Variants in NALF2 observed in about 807,000 individuals in gnomAD.
NALF2 encodes NALCN channel auxiliary factor 2, also known as bB57D9.1 (TED protein).
Under a neutral mutation model 24.8 loss-of-function variants are expected in NALF2, and 1 was observed. The ratio of observed to expected loss-of-function variants is 0.04; its 90% confidence interval spans 0.01 to 0.19. NALF2 has a LOEUF of 0.19. NALF2 is among the 10% of genes least tolerant of loss of function. The pLI is 1.00. For synonymous variants in NALF2, 254 were observed against 189.8 expected, an observed-to-expected ratio of 1.34 and a Z score of -2.78; for missense variants, 458 against 409.6, an observed-to-expected ratio of 1.12 and a Z score of -1.02.
chrX:69,516,525 C>G (rs1055658300), intron 1 of NALF2, among the ~76,000 whole-genome samples: 2 of 111,777 alleles, frequency 1.8e-5, no homozygotes, highest in East Asian at 5.6e-4. Flanking sequence ...TGCATAGATA[C>G]CCTGAGACTT....
intron 1 of NALF2, among the ~76,000 whole-genome samples, chrX:69,513,492 C>T (rs1040223480): frequency 1.3e-4 from 15 of 112,100 alleles, no homozygotes; most frequent in African/African-American, 4.5e-4. Context: ...ATGGGTGTTA[C>T]CAATGTTCCC....
chrX:69,524,864 C>T (rs1053325796), intron 1 of NALF2, among the ~76,000 whole-genome samples: 6 of 111,856 alleles, frequency 5.4e-5, no homozygotes, highest in Non-Finnish European at 1.1e-4. Flanking sequence ...AATTGGATTA[C>T]CTCTGAGCCC....
chrX:69,518,736 T>C (rs1055327151), intron 1 of NALF2, among the ~76,000 whole-genome samples: 5 of 111,806 alleles, frequency 4.5e-5, no homozygotes, highest in Admixed American at 3.8e-4. Flanking sequence ...TCAATGCTTA[T>C]CATTAAAACA....
Position 69,505,744 on chromosome X carries a change from G to C in NALF2, c.462G>C (p.Gln154His), listed in dbSNP as rs1412920549. The change falls in exon 1 of 3, where the codon CAG (glutamine) becomes CAC (histidine). Residue 154 changes from glutamine to histidine, a missense_variant. Physicochemically the swap from Gln to His is conservative, Grantham distance 24. Coordinates refer to ENST00000252338, the MANE Select transcript of NALF2 (RefSeq NM_015686.3). ...DAACTKLQSL[Q>H]RLFEPTTPAP... ...CTTGCACCAAATTGCAATCTTTGCAGAGACTTTTCGAACCGACTACTCCGG... is the reference window on the plus strand; with the variant it reads ...CTTGCACCAAATTGCAATCTTTGCACAGACTTTTCGAACCGACTACTCCGG... The C allele has an allele frequency of 2.5e-6, 3 of 1,211,589 alleles. No homozygotes were observed. The highest frequency in any genetic ancestry group is 3.5e-5 in the South Asian group (2 of 56,994).
chrX:69,509,670 A>G (rs1219166374), intron 1 of NALF2, among the ~76,000 whole-genome samples: 1 of 111,569 alleles, frequency 9.0e-6, no homozygotes, highest in Non-Finnish European at 1.9e-5. Flanking sequence ...AGAAGGAGGC[A>G]GGAACCCATG....
chrX:69,504,466 C>T lies in NALF2; in HGVS notation c.-817C>T, dbSNP rs1424659672. ...GAGGGTGCATGGCCAGCGGGAGCCA[C>T]GGGGCCGTGCCGCTGGGCTGCAGCC... On this transcript the variant is annotated 5_prime_UTR_variant, in exon 1 of 3. It adds an upstream start codon to the 5' untranslated region. Coordinates refer to ENST00000252338, the MANE Select transcript of NALF2 (RefSeq NM_015686.3). 1.8e-5 allele frequency among the ~76,000 whole-genome samples: 2 copies of T among 113,481 alleles called. No individual in the cohort carries two copies. The highest frequency in any genetic ancestry group is 3.8e-5 in the Non-Finnish European group (2 of 53,322).
At chrX:69,528,909 G>T in intron 1 of NALF2, 84 bp from the exon 2 acceptor site, 1 of 1,032,959 alleles carries the variant, frequency 9.7e-7, no homozygotes, top group Admixed American at 3.1e-5. Context: ...CCCCTTGAGA[G>T]ACCACAAGTA....
At position 69,532,066 on chromosome X, in the gene NALF2, AC is replaced by A. The variant is rs1394305441; in HGVS notation, c.*2114del. The A allele has an allele frequency of 8.9e-6, 1 of 111,880 alleles. No individual in the cohort carries two copies. Among genetic ancestry groups the A allele is most frequent in the African/African-American group, 3.3e-5 (1 of 30,629 alleles). The allele number at this position is 111,880 out of a possible 1,213,427, so 9.2% of individuals were successfully genotyped here. ...TTCCCCCTCACCAAGTGCCCAGGAG[AC>A]CCCTGGCTCAGACCAGCCCAAGGCC... is the stretch of plus-strand genomic sequence containing the variant. On this transcript the variant is annotated 3_prime_UTR_variant, in exon 3 of 3. Transcript: ENST00000252338.
chrX:69,518,405 C>CTA (rs1024085258), intron 1 of NALF2, among the ~76,000 whole-genome samples: 46 of 109,756 alleles, frequency 4.2e-4, no homozygotes, highest in African/African-American at 1.1e-3. Context: ...CATGTACAAG[C>CTA]TATATATATA....
At chrX:69,524,899 C>T (rs921783883) in intron 1 of NALF2, among the ~76,000 whole-genome samples, 28 of 112,066 alleles carry the variant, frequency 2.5e-4, no homozygotes, top group Non-Finnish European at 5.3e-4. Context: ...TCCTCCATTC[C>T]CCTCATTAGC....
chrX:69,531,776 TAC>T lies in NALF2; in HGVS notation c.*1825_*1826del, dbSNP rs1318780623. 1 of 111,755 alleles carries T rather than the reference TAC, an allele frequency of 8.9e-6. No homozygotes were observed. Among genetic ancestry groups the T allele is most frequent in the East Asian group, 2.8e-4 (1 of 3,539 alleles). The allele number at this position is 111,755 out of a possible 1,213,427, so 9.2% of individuals were successfully genotyped here. Reference sequence around the variant, plus strand: ...CCCAACCCTACCCCTGTGCCCTGCCTACACACTCCCGTTTGGCCCTCAGCACT... The same window carrying T: ...CCCAACCCTACCCCTGTGCCCTGCCTACACTCCCGTTTGGCCCTCAGCACT... On this transcript the variant is annotated 3_prime_UTR_variant, in exon 3 of 3. Coordinates refer to ENST00000252338, the MANE Select transcript of NALF2 (RefSeq NM_015686.3).
At chrX:69,506,170 C>T (rs1340034125) in intron 1 of NALF2, 27 bp downstream of exon 1, 1 of 1,190,400 alleles carries the variant, frequency 8.4e-7, no homozygotes, top group Non-Finnish European at 1.1e-6. Context: ...GCAGCCACAG[C>T]AGCCGCCCTG....
chrX:69,504,933 C>T lies in NALF2; in HGVS notation c.-350C>T, dbSNP rs1196934384. Among the ~76,000 whole-genome samples the T allele has an allele frequency of 9.3e-6, 1 of 107,257 alleles. No homozygotes were observed. The highest frequency in any genetic ancestry group is 9.6e-5 in the Admixed American group (1 of 10,425). 93.1% of individuals were successfully genotyped at this position (107,257 alleles called of 115,157 possible). ...GAGTGAAGTGGCACGGAGCCGAGGG[C>T]AGCTGAGGGGCCCGACACTATGAGG... On this transcript the variant is annotated 5_prime_UTR_variant, in exon 1 of 3. Coordinates refer to ENST00000252338, the MANE Select transcript of NALF2 (RefSeq NM_015686.3).
At chrX:69,509,877 TTGAGCTAAGGAC>T (rs1975233872) in intron 1 of NALF2, among the ~76,000 whole-genome samples, 1 of 112,556 alleles carries the variant, frequency 8.9e-6, no homozygotes, top group African/African-American at 3.2e-5. Flanking sequence ...CTGTGTAACC[TTGAGCTAAGGAC>T]GTCAACTCTC....
At position 69,529,679 on chromosome X, in the gene NALF2, C is replaced by T; in HGVS notation, c.1142C>T (p.Thr381Ile). 8.3e-7 allele frequency: 1 copy of T among 1,209,551 alleles called. No homozygotes were observed. The highest frequency in any genetic ancestry group is 1.1e-6 in the Non-Finnish European group (1 of 894,248). Reference sequence around the variant, plus strand: ...TTCAAGGAGTCTGAGGCCCCCAAAACCCACCAGCAGCAATTCCACCACTCC... The same window carrying T: ...TTCAAGGAGTCTGAGGCCCCCAAAATCCACCAGCAGCAATTCCACCACTCC... ...KKFKESEAPK[T>I]HQQQFHHSYF... is the part of the protein sequence containing the mutation. The change falls in exon 3 of 3, where the codon ACC becomes ATC. Residue 381 changes from threonine to isoleucine, a missense_variant. By Grantham distance (89) the Thr-to-Ile change is moderately conservative. Transcript: ENST00000252338.
chrX:69,523,346 A>G (rs968154375), intron 1 of NALF2, among the ~76,000 whole-genome samples: 10 of 111,535 alleles, frequency 9.0e-5, no homozygotes, highest in Non-Finnish European at 1.1e-4. Context: ...TTCTTTCTAG[A>G]GGAGAGTGGG....
In NALF2 at chrX:69,505,238, G is replaced by T. The variant is rs770540050; in HGVS notation, c.-45G>T. ...GCCCGCCCGCCCCAGACGGCCGTCTGGCCTCGCGCCTGCCTGTTCCCTCCA... is the reference window on the plus strand; with the variant it reads ...GCCCGCCCGCCCCAGACGGCCGTCTTGCCTCGCGCCTGCCTGTTCCCTCCA... On this transcript the variant is annotated 5_prime_UTR_variant, in exon 1 of 3. Coordinates refer to ENST00000252338, the MANE Select transcript of NALF2 (RefSeq NM_015686.3). The T allele has an allele frequency of 5.3e-5, 58 of 1,102,003 alleles. No homozygotes were observed. Among genetic ancestry groups the T allele is most frequent in the Middle Eastern group, 3.2e-4 (1 of 3,172 alleles). The allele number at this position is 1,102,003 out of a possible 1,213,427, so 90.8% of individuals were successfully genotyped here. A position where few individuals can be genotyped will look rare whatever the true frequency, so the allele number is the denominator to read the frequency against.
intron 1 of NALF2, among the ~76,000 whole-genome samples, chrX:69,524,100 CTT>C (rs1202940165): frequency 2.8e-4 from 26 of 93,852 alleles, no homozygotes; most frequent in African/African-American, 6.6e-4. Context: ...TATTTTTTTT[CTT>C]TTTTTTTTTT....
chrX:69,510,810 A>C (rs914286455), intron 1 of NALF2, among the ~76,000 whole-genome samples: 2 of 111,836 alleles, frequency 1.8e-5, no homozygotes, highest in Non-Finnish European at 3.8e-5. Context: ...GGCAATGTTT[A>C]TAGTGAGGAC....
Sources: gnomAD v4.1 joint callset for allele counts (sites outside exome capture counted in the v4.1 genomes callset) on GRCh38, gnomAD v4.1.1 for gene constraint, MANE v1.5 for transcripts, NCBI Gene and HGNC (gene_info 2026-07-23, HGNC 2026-07-21) for gene names.